The following CHDH variants were observed in gnomAD, a reference collection of about 807,000 sequenced individuals.
CHDH encodes choline dehydrogenase, mitochondrial.
In CHDH, 43 loss-of-function variants were observed where a neutral mutation model predicts 56.9. That is an observed-to-expected ratio of 0.76 (90% CI 0.59 to 0.97). The LOEUF is 0.97. CHDH is among the 50% of genes least tolerant of loss of function. The pLI, the probability that CHDH is intolerant of heterozygous loss-of-function variation, is 0.00. For missense variants in CHDH, 816 were observed against 821.1 expected, an observed-to-expected ratio of 0.99 and a Z score of 0.08; for synonymous variants, 364 against 348.5, an observed-to-expected ratio of 1.04 and a Z score of -0.50.
Position 53,817,995 on chromosome 3 carries a change from C to A in CHDH, c.1567G>T (p.Asp523Tyr), listed in dbSNP as rs762533547. The A allele has an allele frequency of 6.2e-6, 10 of 1,614,064 alleles. No individual in the cohort carries two copies. The highest frequency in any genetic ancestry group is 1.7e-5 in the Admixed American group (1 of 60,006). The change falls in exon 9 of 9, where the codon GAT (aspartate) becomes TAT (tyrosine). Residue 523 changes from aspartate (D) to tyrosine (Y), a missense_variant. Physicochemically the swap from Asp to Tyr is radical, Grantham distance 160. Coordinates refer to ENST00000315251, the MANE Select transcript of CHDH (RefSeq NM_018397.5). ...SCTCKMGQPS[D>Y]PTAVVDPQTR... The stretch of plus-strand genomic sequence containing the variant: ...TGCGGATCCACCACGGCAGTGGGAT[C>A]GGAGGGCTGGCCCATCTTACAGGTG...
At position 53,820,477 on chromosome 3, in the gene CHDH, T is replaced by C. The variant is rs764324618; in HGVS notation, c.1117A>G (p.Thr373Ala). The change falls in exon 6 of 9, where the codon ACA becomes GCA. Residue 373 changes from threonine to alanine, a missense_variant. Coordinates refer to ENST00000315251, the MANE Select transcript of CHDH (RefSeq NM_018397.5). ...CIGLEWLWKF[T>A]GEGATAHLET... ...GGTTACTGGTAAGCGTGCTCACCTG[T>C]GAATTTCCAGAGCCACTCCAGACCA... The C allele has an allele frequency of 1.9e-6, 3 of 1,610,972 alleles. No homozygotes were observed. In the East Asian group the frequency reaches 6.7e-5, roughly 36 times the overall value.
intron 2 of CHDH, among the ~76,000 whole-genome samples, chr3:53,825,936 G>GA (rs111621234): frequency 1.8e-4 from 27 of 149,656 alleles, no homozygotes; most frequent in Admixed American, 5.3e-4. Flanking sequence ...AATATTGAAA[G>GA]AAAAAAAAAC....
chr3:53,813,879 T>TATG lies in CHDH; in HGVS notation c.*3895_*3897dup, dbSNP rs2095610987. Reference sequence around the variant, plus strand: ...ATAACACATTTAGTTTCTTTAGTCTTATGTTTTTCATAATCTCACAAAATG... The same window carrying TATG: ...ATAACACATTTAGTTTCTTTAGTCTTATGATGTTTTTCATAATCTCACAAAATG... On this transcript the variant is annotated 3_prime_UTR_variant, in exon 9 of 9. Transcript: ENST00000315251. 6.6e-6 allele frequency: 1 copy of TATG among 152,246 alleles called. No individual in the cohort carries two copies. The highest frequency in any genetic ancestry group is 2.1e-4 in the South Asian group (1 of 4,832). 9.4% of individuals were successfully genotyped at this position (152,246 alleles called of 1,614,324 possible).
intron 1 of CHDH, among the ~76,000 whole-genome samples, chr3:53,845,662 G>C (rs905672606): frequency 2.0e-5 from 3 of 152,176 alleles, no homozygotes; most frequent in African/African-American, 7.2e-5. Context: ...TCCCGGGCCT[G>C]ACCCGGACCT....
At chr3:53,818,793 C>T (rs946607644) in intron 8 of CHDH, 145 bp downstream of exon 8, 49 of 697,098 alleles carry the variant, frequency 7.0e-5, no homozygotes, top group Non-Finnish European at 1.1e-4. Flanking sequence ...TGCAAGTTTA[C>T]AGCCTAAAGT....
In CHDH at chr3:53,818,139, G is replaced by A. The variant is rs376381868; in HGVS notation, c.1423C>T (p.Gln475Ter). ...CVKLTREIFA[Q>*]EALAPFRGKE... is the part of the protein sequence containing the mutation. ...CCTCGGAACGGAGCCAGGGCTTCCT[G>A]TGCAAAAATTTCTCTGGTGAGCTTC... Residue 475 changes from glutamine (Q) to a stop codon, truncating the protein, a stop_gained, in exon 9 of 9, where the codon CAG becomes TAG. Transcript: ENST00000315251. LOFTEE classifies it high-confidence loss of function. 232 of 1,613,036 alleles carry A rather than the reference G, an allele frequency of 1.4e-4. No homozygotes were observed. Among genetic ancestry groups the A allele is most frequent in the Non-Finnish European group, 1.9e-4 (224 of 1,179,764 alleles).
chr3:53,829,164 T>C (rs984842281), intron 2 of CHDH, among the ~76,000 whole-genome samples: 3 of 152,076 alleles, frequency 2.0e-5, no homozygotes, highest in Non-Finnish European at 4.4e-5. Context: ...CTACAAACCG[T>C]ATGAGTTCAA....
At chr3:53,828,350 ATATAT>A (rs1331985079) in intron 2 of CHDH, among the ~76,000 whole-genome samples, 2 of 152,218 alleles carry the variant, frequency 1.3e-5, no homozygotes, top group Non-Finnish European at 2.9e-5. Flanking sequence ...CGATGACTTT[ATATAT>A]TATGACACCA....
At position 53,820,499 on chromosome 3, in the gene CHDH, A is replaced by AC; in HGVS notation, c.1094dup (p.Leu366SerfsTer44). On this transcript the variant is annotated frameshift_variant, in exon 6 of 9. Coordinates refer to ENST00000315251, the MANE Select transcript of CHDH (RefSeq NM_018397.5). LOFTEE classifies it high-confidence loss of function. ...CTGTGAATTTCCAGAGCCACTCCAG[A>AC]CCAATGCAGACCTTCCGCAGGGGCT... 6.2e-7 allele frequency: 1 copy of AC among 1,613,492 alleles called. No homozygotes were observed. The highest frequency in any genetic ancestry group is 8.5e-7 in the Non-Finnish European group (1 of 1,179,596).
In CHDH at chr3:53,817,593, T is replaced by G. The variant is rs1458156899; in HGVS notation, c.*184A>C. The G allele has an allele frequency of 1.9e-5, 11 of 568,082 alleles. No homozygotes were observed. Among genetic ancestry groups the G allele is most frequent in the Non-Finnish European group, 2.7e-5 (9 of 328,462 alleles). 35.2% of individuals were successfully genotyped at this position (568,082 alleles called of 1,614,324 possible). ...CAGGGAAAGGCTGGGGAAAAGGAGC[T>G]GGATTCACTGCCCAGTACTTGTCTC... is the stretch of plus-strand genomic sequence containing the variant. On this transcript the variant is annotated 3_prime_UTR_variant, in exon 9 of 9. Transcript: ENST00000315251.
rs559280966 is a variant in CHDH, at chr3:53,817,280, G to C, written c.*497C>G. The C allele has an allele frequency of 1.3e-5, 2 of 155,916 alleles. No individual in the cohort carries two copies. The highest frequency in any genetic ancestry group is 2.8e-5 in the Non-Finnish European group (2 of 70,596). 9.7% of individuals were successfully genotyped at this position (155,916 alleles called of 1,614,324 possible). On this transcript the variant is annotated 3_prime_UTR_variant, in exon 9 of 9. Transcript: ENST00000315251. ...TTCCCCTCTCAACAGGGACACTGGGGACTTATGTGCCAGCCCAGGCTGAAC... is the reference window on the plus strand; with the variant it reads ...TTCCCCTCTCAACAGGGACACTGGGCACTTATGTGCCAGCCCAGGCTGAAC...
At position 53,823,360 on chromosome 3, in the gene CHDH, T is replaced by G. The variant is rs1330080827; in HGVS notation, c.649A>C (p.Met217Leu). 1 of 1,603,346 alleles carries G rather than the reference T, an allele frequency of 6.2e-7. No homozygotes were observed. Residue 217 changes from methionine to leucine, a missense_variant, in exon 3 of 9, where the codon ATG becomes CTG. Coordinates refer to ENST00000315251, the MANE Select transcript of CHDH (RefSeq NM_018397.5). ...AAGCCCTCCTGCTGGAAGCCATTCA[T>G]GTCCTCGGTGAGCGGGTAGCCGGCC... The part of the protein sequence containing the change: ...QQAGYPLTED[M>L]NGFQQEGFGW...
chr3:53,817,945 G>A lies in CHDH; in HGVS notation c.1617C>T (p.Asn539=). The change falls in exon 9 of 9, where the codon AAC becomes AAT. Residue 539 remains asparagine (N), a synonymous_variant. Coordinates refer to ENST00000315251, the MANE Select transcript of CHDH (RefSeq NM_018397.5). ...DPQTRVLGVE[N]LRVVDASIMP... Reference sequence around the variant, plus strand: ...TGATGGAGGCATCGACGACCCTGAGGTTTTCCACCCCGAGGACCCTTGTCT... The same window carrying A: ...TGATGGAGGCATCGACGACCCTGAGATTTTCCACCCCGAGGACCCTTGTCT... 6.2e-7 allele frequency: 1 copy of A among 1,614,200 alleles called. No homozygotes were observed. The highest frequency in any genetic ancestry group is 8.5e-7 in the Non-Finnish European group (1 of 1,180,046).
In CHDH at chr3:53,822,542, C is replaced by T. The variant is rs1162472698; in HGVS notation, c.804G>A (p.Glu268=). ...AETLVSRVLF[E]GTRAVGVEYV... The stretch of plus-strand genomic sequence containing the variant: ...ACTCCACGCCCACTGCACGGGTGCC[C>T]TCAAATAGCACCCTGCTCACAAGCG... The change falls in exon 4 of 9, where the codon GAG becomes GAA. Residue 268 remains glutamate (E), a synonymous_variant. Coordinates refer to ENST00000315251, the MANE Select transcript of CHDH (RefSeq NM_018397.5). 1 of 1,613,644 alleles carries T rather than the reference C, an allele frequency of 6.2e-7. No homozygotes were observed. Among genetic ancestry groups the T allele is most frequent in the Admixed American group, 1.7e-5 (1 of 60,024 alleles).
At chr3:53,841,949 T>C (rs550388323) in intron 1 of CHDH, among the ~76,000 whole-genome samples, 6 of 152,122 alleles carry the variant, frequency 3.9e-5, no homozygotes, top group African/African-American at 1.2e-4. Context: ...AAGTTCAATA[T>C]CAGCCTCAGT....
chr3:53,820,538 G>A lies in CHDH; in HGVS notation c.1056C>T (p.Leu352=). The A allele has an allele frequency of 2.5e-6, 4 of 1,614,138 alleles. No homozygotes were observed. Among genetic ancestry groups the A allele is most frequent in the Non-Finnish European group, 3.4e-6 (4 of 1,179,994 alleles). ...TCCGCAGGGGCTTCTGTGCTGAATG[G>A]AGGGTGATAGGGCGGGTGCATGCCT... ...IQQACTRPIT[L]HSAQKPLRKV... Residue 352 remains leucine, a synonymous_variant, in exon 6 of 9, where the codon CTC becomes CTT. Transcript: ENST00000315251.
chr3:53,828,162 G>GACACACACACACACACACAC (rs60594351), intron 2 of CHDH, among the ~76,000 whole-genome samples: 20 of 145,250 alleles, frequency 1.4e-4, no homozygotes, highest in Non-Finnish European at 2.1e-4. Context: ...GGAATAACTA[G>GACACACACACACACACACAC]ACACACACAC....
At position 53,813,407 on chromosome 3, in the gene CHDH, C is replaced by G. The variant is rs1314025587; in HGVS notation, c.*4370G>C. ...GGGCAGGTACTGTGCCAGGGCAGCT[C>G]TGAAATTATGGATATTCTTATCCTC... is the stretch of plus-strand genomic sequence containing the variant. On this transcript the variant is annotated 3_prime_UTR_variant, in exon 9 of 9. Transcript: ENST00000315251. The G allele has an allele frequency of 6.6e-6, 1 of 152,218 alleles. No homozygotes were observed. The allele number at this position is 152,218 out of a possible 1,614,324, so 9.4% of individuals were successfully genotyped here. A position where few individuals can be genotyped will look rare whatever the true frequency, so the allele number is the denominator to read the frequency against.
At chr3:53,836,187 G>A (rs756054249) in intron 2 of CHDH, among the ~76,000 whole-genome samples, 30 of 152,230 alleles carry the variant, frequency 2.0e-4, no homozygotes, top group Admixed American at 5.2e-4. Flanking sequence ...GCCCAGAGGC[G>A]GTGGTGGTCC....
Sources: gnomAD v4.1 joint callset for allele counts (sites outside exome capture counted in the v4.1 genomes callset) on GRCh38, gnomAD v4.1.1 for gene constraint, MANE v1.5 for transcripts, NCBI Gene and HGNC (gene_info 2026-07-23, HGNC 2026-07-21) for gene names.